GRM1: variants seen among roughly 807,000 people sequenced by gnomAD.
GRM1 encodes the protein glutamate metabotropic receptor 1, also known as metabotropic glutamate receptor 1.
In GRM1, 33 loss-of-function variants were observed where a neutral mutation model predicts 90.9. That is an observed-to-expected ratio of 0.36 (90% CI 0.28 to 0.49). The LOEUF is 0.49. GRM1 is among the 20% of genes least tolerant of loss of function. The probability of loss-of-function intolerance (pLI) is 0.99; values close to 1 mark genes in which losing one functional copy is unlikely to be tolerated. For missense variants in GRM1, 1,190 were observed against 1,534.3 expected (o/e 0.78, Z 3.75); for synonymous variants, 700 against 613.2 (o/e 1.14, Z -2.09).
chr6:146,177,936 A>G (rs1778392407), intron 2 of GRM1, among the ~76,000 whole-genome samples: 1 of 152,120 alleles, frequency 6.6e-6, no homozygotes. Flanking sequence ...TTACAGAAAA[A>G]CTGCTAAGAT....
At chr6:146,102,631 G>A (rs1025220778) in intron 1 of GRM1, among the ~76,000 whole-genome samples, 1 of 152,138 alleles carries the variant, frequency 6.6e-6, no homozygotes, top group Non-Finnish European at 1.5e-5. Context: ...TTATCAGCTT[G>A]ATATGTTGAT....
chr6:146,216,291 A>G (rs1779868597), intron 2 of GRM1, among the ~76,000 whole-genome samples: 1 of 152,202 alleles, frequency 6.6e-6, no homozygotes, highest in Non-Finnish European at 1.5e-5. Context: ...AATATACCAA[A>G]CATCATTAAG....
chr6:146,365,143 T>C (rs1475210416), intron 5 of GRM1: 3 of 152,178 alleles, frequency 2.0e-5, no homozygotes, highest in Non-Finnish European at 4.4e-5. Context: ...TCTATAATTA[T>C]GTAATGATGA....
intron 1 of GRM1, among the ~76,000 whole-genome samples, chr6:146,118,284 C>T (rs1215743142): frequency 5.9e-5 from 9 of 151,540 alleles, no homozygotes; most frequent in East Asian, 1.9e-4. Flanking sequence ...GGACTACAGG[C>T]GCCCACCACG....
intron 2 of GRM1, among the ~76,000 whole-genome samples, chr6:146,263,231 A>G (rs1021694273): frequency 4.6e-5 from 7 of 152,006 alleles, no homozygotes; most frequent in Non-Finnish European, 7.4e-5. Context: ...GCTATTGGTT[A>G]GGAGAAAATA....
chr6:146,359,153 AG>A (rs943082179), intron 5 of GRM1, among the ~76,000 whole-genome samples: 2 of 152,172 alleles, frequency 1.3e-5, no homozygotes, highest in Admixed American at 1.3e-4. Context: ...AATGTGTAAA[AG>A]TAGTATGTAT....
intron 2 of GRM1, among the ~76,000 whole-genome samples, chr6:146,247,952 T>G (rs774208310): frequency 5.9e-5 from 9 of 151,398 alleles, no homozygotes; most frequent in Non-Finnish European, 1.3e-4. Flanking sequence ...GCCTACATTT[T>G]AGAGCCTCAT....
intron 1 of GRM1, among the ~76,000 whole-genome samples, chr6:146,125,096 T>C (rs909149898): frequency 2.0e-5 from 3 of 152,140 alleles, no homozygotes; most frequent in Non-Finnish European, 2.9e-5. Flanking sequence ...CCCAGGCTAG[T>C]TTTTATATTT....
At chr6:146,316,090 A>G (rs570441755) in intron 3 of GRM1, among the ~76,000 whole-genome samples, 4 of 152,170 alleles carry the variant, frequency 2.6e-5, no homozygotes, top group Non-Finnish European at 5.9e-5. Context: ...GACCCTGACA[A>G]GAGTCTCCCT....
intron 1 of GRM1, among the ~76,000 whole-genome samples, chr6:146,129,298 C>A (rs1219077181): frequency 6.6e-6 from 1 of 152,166 alleles, no homozygotes; most frequent in Non-Finnish European, 1.5e-5. Flanking sequence ...GAAGCAGTGA[C>A]TGGTTTCAGA....
At chr6:146,175,321 T>G (rs1778301143) in intron 2 of GRM1, among the ~76,000 whole-genome samples, 1 of 152,182 alleles carries the variant, frequency 6.6e-6, no homozygotes, top group Non-Finnish European at 1.5e-5. Context: ...AGAATGAAAA[T>G]TTTTCAATGA....
intron 1 of GRM1, among the ~76,000 whole-genome samples, chr6:146,121,108 T>G (rs1309270704): frequency 6.6e-6 from 1 of 152,200 alleles, no homozygotes; most frequent in Non-Finnish European, 1.5e-5. Context: ...ACTGCTTCAA[T>G]TTCAGAGCCT....
At chr6:146,031,972 C>T (rs773681391) in intron 1 of GRM1, among the ~76,000 whole-genome samples, 16 of 152,006 alleles carry the variant, frequency 1.1e-4, no homozygotes, top group Non-Finnish European at 2.2e-4. Context: ...AGAAGTAATG[C>T]TTCATTATTT....
chr6:146,396,738 GA>G (rs373117421), intron 6 of GRM1, among the ~76,000 whole-genome samples: 1 of 151,932 alleles, frequency 6.6e-6, no homozygotes, highest in Non-Finnish European at 1.5e-5. Flanking sequence ...AACAGATATG[GA>G]AAAAAATATT....
intron 2 of GRM1, among the ~76,000 whole-genome samples, chr6:146,243,102 T>C (rs908368034): frequency 6.6e-6 from 1 of 152,130 alleles, no homozygotes; most frequent in African/African-American, 2.4e-5. Flanking sequence ...ACAGGAACCT[T>C]GGCTAAAAGA....
chr6:146,108,586 A>G (rs779624812), intron 1 of GRM1, among the ~76,000 whole-genome samples: 2 of 152,216 alleles, frequency 1.3e-5, no homozygotes, highest in African/African-American at 2.4e-5. Context: ...TGTCTTTATC[A>G]GCAGCATGAA....
At chr6:146,264,236 G>A (rs1305733564) in intron 2 of GRM1, among the ~76,000 whole-genome samples, 1 of 152,042 alleles carries the variant, frequency 6.6e-6, no homozygotes, top group African/African-American at 2.4e-5. Context: ...TCCTATAGAA[G>A]AAATCAAACG....
chr6:146,268,394 C>A (rs1781997153), intron 2 of GRM1, among the ~76,000 whole-genome samples: 1 of 152,140 alleles, frequency 6.6e-6, no homozygotes, highest in South Asian at 2.1e-4. Flanking sequence ...GGTGCTGTTT[C>A]TTCTGGGTAG....
At chr6:146,132,221 A>G (rs755983435) in intron 1 of GRM1, among the ~76,000 whole-genome samples, 6 of 152,198 alleles carry the variant, frequency 3.9e-5, no homozygotes, top group Non-Finnish European at 7.3e-5. Flanking sequence ...TGATCCAATT[A>G]TGTTTAAGAT....
Sources: gnomAD v4.1 joint callset for allele counts (sites outside exome capture counted in the v4.1 genomes callset) on GRCh38, gnomAD v4.1.1 for gene constraint, MANE v1.5 for transcripts, NCBI Gene and HGNC (gene_info 2026-07-23, HGNC 2026-07-21) for gene names.